The following TOX2 variants were observed in gnomAD, a reference collection of about 807,000 sequenced individuals.
The protein encoded by TOX2 is granulosa cell HMG box 1.
In TOX2, 15 loss-of-function variants were observed where a neutral mutation model predicts 47.4. The observed-to-expected ratio is 0.32, with a 90% CI of 0.21 to 0.49. The LOEUF (loss-of-function observed/expected upper bound fraction) is 0.49. Among genes scored for constraint, TOX2 ranks in the 20% least tolerant of loss-of-function variants. The probability of loss-of-function intolerance (pLI) is 0.99; values close to 1 mark genes in which losing one functional copy is unlikely to be tolerated. For missense variants in TOX2, 622 were observed against 673.1 expected (o/e 0.92, Z 0.84); for synonymous variants, 290 against 296.6 (o/e 0.98, Z 0.23).
chr20:44,049,914 T>A (rs1328995709), intron 3 of TOX2, among the ~76,000 whole-genome samples: 2 of 152,342 alleles, frequency 1.3e-5, no homozygotes, highest in East Asian at 3.9e-4. Context: ...GCTGATTCCG[T>A]GTCTTTGCTA....
chr20:43,996,545 T>G (rs1421395048), intron 2 of TOX2, among the ~76,000 whole-genome samples: 1 of 152,164 alleles, frequency 6.6e-6, no homozygotes, highest in Admixed American at 6.5e-5. Context: ...CCCATATGAC[T>G]TTGGATAAGT....
chr20:44,033,945 C>T (rs563478533), intron 3 of TOX2, among the ~76,000 whole-genome samples: 77 of 152,330 alleles, frequency 5.1e-4, no homozygotes, highest in South Asian at 2.3e-3. Flanking sequence ...ACTGGGGAGG[C>T]AGATATGCTG....
intron 4 of TOX2, among the ~76,000 whole-genome samples, chr20:44,053,361 A>C (rs576858558): frequency 9.9e-5 from 15 of 152,154 alleles, no homozygotes; most frequent in Non-Finnish European, 1.6e-4. Flanking sequence ...CACAGCTGAA[A>C]CATGGCGGTG....
chr20:44,001,480 G>T (rs557665008), intron 2 of TOX2, among the ~76,000 whole-genome samples: 31 of 152,350 alleles, frequency 2.0e-4, no homozygotes, highest in African/African-American at 7.2e-4. Flanking sequence ...ATGTTTGCGT[G>T]CTTAGTTATT....
intron 2 of TOX2, among the ~76,000 whole-genome samples, chr20:43,995,595 G>A (rs1445762605): frequency 2.6e-5 from 4 of 152,112 alleles, no homozygotes; most frequent in African/African-American, 9.7e-5. Context: ...GGGATTTGAT[G>A]TACGGATTAT....
At chr20:43,950,693 T>C (rs981050012) in intron 1 of TOX2, among the ~76,000 whole-genome samples, 1 of 152,116 alleles carries the variant, frequency 6.6e-6, no homozygotes, top group Non-Finnish European at 1.5e-5. Context: ...GACTGCTCTG[T>C]TTAAACGTGC....
intron 1 of TOX2, among the ~76,000 whole-genome samples, chr20:43,919,017 C>T (rs2069086212): frequency 6.6e-6 from 1 of 152,192 alleles, no homozygotes; most frequent in Admixed American, 6.5e-5. Context: ...ATCTCCGTTC[C>T]AGCATCCTTC....
chr20:43,993,284 C>T (rs6031279), intron 2 of TOX2, among the ~76,000 whole-genome samples: 5 of 152,184 alleles, frequency 3.3e-5, no homozygotes, highest in African/African-American at 1.2e-4. Flanking sequence ...CTATGGAGAA[C>T]AATTTGGAAG....
At chr20:43,951,382 C>T (rs2069563046) in intron 1 of TOX2, among the ~76,000 whole-genome samples, 1 of 152,076 alleles carries the variant, frequency 6.6e-6, no homozygotes, top group Non-Finnish European at 1.5e-5. Context: ...CAAGACCAGC[C>T]TGGCTAACAT....
intron 1 of TOX2, chr20:43,955,291 C>T (rs1280130607): frequency 1.0e-6 from 1 of 985,328 alleles, no homozygotes; most frequent in Non-Finnish European, 1.2e-6. Context: ...CTGCTGAAAA[C>T]CCTCCTGGGT....
chr20:43,983,141 C>A (rs2070197836), intron 2 of TOX2, among the ~76,000 whole-genome samples: 2 of 151,954 alleles, frequency 1.3e-5, no homozygotes, highest in Admixed American at 1.3e-4. Context: ...GGCCCCACTG[C>A]CCCTGTAGCA....
rs200764870 is a variant in TOX2, at chr20:43,973,459, G to C, written c.165+27G>C. On this transcript the variant is annotated intron_variant, in intron 2 of 8. Transcript: ENST00000341197. ...TGGGTGCCTCATCCTCCCTGAACGG[G>C]TGTCTTAAGATTTGGGCTGGCTGGA... The C allele has an allele frequency of 2.8e-4, 445 of 1,612,656 alleles. 1 individual carries two copies. In the African/African-American group the frequency reaches 5.6e-3, roughly 20 times the overall value.
chr20:44,069,093 T>A lies in TOX2; in HGVS notation c.*407T>A. The A allele has an allele frequency of 2.7e-6, 1 of 375,288 alleles. No individual in the cohort carries two copies. Among genetic ancestry groups the A allele is most frequent in the Non-Finnish European group, 5.2e-6 (1 of 192,574 alleles). The allele number at this position is 375,288 out of a possible 1,614,324, so 23.2% of individuals were successfully genotyped here. On this transcript the variant is annotated 3_prime_UTR_variant, in exon 9 of 9. Coordinates refer to ENST00000341197, the MANE Select transcript of TOX2 (RefSeq NM_001098797.2). ...CCAGAGGGCCGGCCCCCGGCATAGA[T>A]GTGCACATCGGTTTTCCAGTGTGAA...
chr20:44,050,119 T>C (rs911046549), intron 3 of TOX2, among the ~76,000 whole-genome samples: 1 of 152,254 alleles, frequency 6.6e-6, no homozygotes, highest in Non-Finnish European at 1.5e-5. Context: ...GGTGAGGTGA[T>C]GAATATGTCA....
At chr20:44,029,472 A>G (rs926948729) in intron 3 of TOX2, among the ~76,000 whole-genome samples, 5 of 152,132 alleles carry the variant, frequency 3.3e-5, no homozygotes, top group African/African-American at 1.2e-4. Context: ...TGCGCTGCAG[A>G]CAGGGAGCCA....
At position 44,064,761 on chromosome 20, in the gene TOX2, G is replaced by A; in HGVS notation, c.880-16G>A. 1 of 1,613,646 alleles carries A rather than the reference G, an allele frequency of 6.2e-7. No individual in the cohort carries two copies. Among genetic ancestry groups the A allele is most frequent in the Non-Finnish European group, 8.5e-7 (1 of 1,179,636 alleles). On this transcript the variant is annotated splice_polypyrimidine_tract_variant and intron_variant, in intron 5 of 8. Transcript: ENST00000341197. Reference sequence around the variant, plus strand: ...TAACTTTCTCCCCAGTGTTGCTCATGTGTTGACTCTTCCAGGCCTACAAGA... The same window carrying A: ...TAACTTTCTCCCCAGTGTTGCTCATATGTTGACTCTTCCAGGCCTACAAGA...
intron 3 of TOX2, chr20:44,038,971 G>A (rs1000837141): frequency 1.8e-5 from 21 of 1,184,888 alleles, no homozygotes; most frequent in East Asian, 1.2e-4. Flanking sequence ...TTCCTGGGGC[G>A]GGTGCAGATG....
At chr20:43,950,012 G>A (rs1044860348) in intron 1 of TOX2, among the ~76,000 whole-genome samples, 7 of 133,366 alleles carry the variant, frequency 5.2e-5, no homozygotes, top group Non-Finnish European at 9.4e-5. Context: ...CTGTGACCTT[G>A]GACAAGCCAC....
intron 1 of TOX2, among the ~76,000 whole-genome samples, chr20:43,925,214 G>A (rs1400669082): frequency 6.6e-6 from 1 of 151,962 alleles, no homozygotes; most frequent in Non-Finnish European, 1.5e-5. Context: ...TTCTACAAAT[G>A]CCTGGTGATT....
Sources: allele counts gnomAD v4.1 joint callset (sites outside exome capture counted in the v4.1 genomes callset), GRCh38; gene constraint gnomAD v4.1.1; transcripts MANE v1.5; gene names NCBI Gene and HGNC (gene_info 2026-07-23, HGNC 2026-07-21).